Variants in FMNL2 observed in about 807,000 individuals in gnomAD.
FMNL2 encodes the protein formin like 2, also known as formin-like protein 2.
A neutral mutation model predicts 130.2 loss-of-function variants in FMNL2; 51 were observed. That is an observed-to-expected ratio of 0.39 (90% CI 0.31 to 0.49). The LOEUF (loss-of-function observed/expected upper bound fraction) is 0.49. FMNL2 is among the 20% of genes least tolerant of loss of function. The probability of loss-of-function intolerance (pLI) is 0.85; values close to 1 mark genes in which losing one functional copy is unlikely to be tolerated. For missense variants in FMNL2, 977 were observed against 1,316.2 expected, an observed-to-expected ratio of 0.74 and a Z score of 3.99; for synonymous variants, 465 against 467.1, an observed-to-expected ratio of 1.00 and a Z score of 0.06.
rs114838987 is a variant in FMNL2, at chr2:152,348,024, A to G, written c.117+12304A>G. On this transcript the variant is annotated intron_variant, in intron 1 of 25. Transcript: ENST00000288670. ...TTTTTTCCCCCGGTGATTCCCCTGCATAGGATGGGCTCTCTTCGCTTCTCT... is the reference window on the plus strand; with the variant it reads ...TTTTTTCCCCCGGTGATTCCCCTGCGTAGGATGGGCTCTCTTCGCTTCTCT... 1.9e-3 allele frequency among the ~76,000 whole-genome samples: 289 copies of G among 150,762 alleles called. 1 individual carries two copies. Among genetic ancestry groups the G allele is most frequent in the African/African-American group, 6.9e-3 (283 of 41,008 alleles).
intron 4 of FMNL2, 147 bp from the exon 5 acceptor site, chr2:152,558,593 A>G (rs1579958776): frequency 1.1e-5 from 7 of 647,084 alleles, no homozygotes; most frequent in African/African-American, 1.8e-5. Context: ...CTCCTGCCTC[A>G]TGTGAAGTAG....
chr2:152,500,280 A>G (rs1174230056), intron 1 of FMNL2, among the ~76,000 whole-genome samples: 2 of 152,110 alleles, frequency 1.3e-5, no homozygotes, highest in East Asian at 1.9e-4. Flanking sequence ...TAGATTAAGA[A>G]ATCAGTCTGA....
intron 1 of FMNL2, among the ~76,000 whole-genome samples, chr2:152,464,233 C>T (rs779926255): frequency 3.3e-5 from 5 of 152,324 alleles, no homozygotes; most frequent in Admixed American, 6.5e-5. Flanking sequence ...TGTGAGCCCC[C>T]GCACTCAGCC....
intron 1 of FMNL2, among the ~76,000 whole-genome samples, chr2:152,366,553 T>G (rs552421946): frequency 7.9e-5 from 12 of 152,340 alleles, no homozygotes; most frequent in Admixed American, 2.6e-4. Context: ...GCTAAAGAGC[T>G]CCTGATGCTG....
At position 152,619,452 on chromosome 2, in the gene FMNL2, T is replaced by C. The variant is rs1699119397; in HGVS notation, c.1628-57T>C. Reference sequence around the variant, plus strand: ...ATGGCTTTATATGCACATGGCTTATTGCAGGAAAGCCATTCCCGTATTTTC... The same window carrying C: ...ATGGCTTTATATGCACATGGCTTATCGCAGGAAAGCCATTCCCGTATTTTC... On this transcript the variant is annotated intron_variant, in intron 14 of 25. Transcript: ENST00000288670. The C allele has an allele frequency of 2.6e-6, 4 of 1,547,684 alleles. No homozygotes were observed. In the Admixed American group the frequency reaches 7.9e-5, roughly 30 times the overall value.
intron 4 of FMNL2, among the ~76,000 whole-genome samples, chr2:152,558,191 T>A (rs1353595645): frequency 6.6e-6 from 1 of 152,214 alleles, no homozygotes; most frequent in African/African-American, 2.4e-5. Context: ...GGTTTTAACA[T>A]TCATGGAAAA....
intron 1 of FMNL2, chr2:152,389,805 C>T (rs919324646): frequency 7.2e-7 from 1 of 1,388,594 alleles, no homozygotes; most frequent in African/African-American, 1.4e-5. Flanking sequence ...CAGACTTTTT[C>T]ACTGCAGGAG....
chr2:152,645,442 A>G, intron 25 of FMNL2: 2 of 1,289,160 alleles, frequency 1.6e-6, no homozygotes, highest in Non-Finnish European at 2.0e-6. Context: ...AGCCTTAAAG[A>G]AGAATAATAT....
At chr2:152,383,477 G>T (rs914702248) in intron 1 of FMNL2, among the ~76,000 whole-genome samples, 2 of 152,078 alleles carry the variant, frequency 1.3e-5, no homozygotes, top group South Asian at 2.1e-4. Context: ...GTGCATGTCT[G>T]TAGTCCTAGC....
At chr2:152,398,329 C>T (rs992888047) in intron 1 of FMNL2, among the ~76,000 whole-genome samples, 2 of 152,094 alleles carry the variant, frequency 1.3e-5, no homozygotes, top group African/African-American at 4.8e-5. Context: ...GGCTAAGTAC[C>T]TAATTTGTAA....
chr2:152,615,082 A>G, intron 12 of FMNL2, 82 bp downstream of exon 12: 1 of 1,488,418 alleles, frequency 6.7e-7, no homozygotes. Context: ...TTATGGTGGT[A>G]AATTTAAGGA....
chr2:152,494,819 T>A (rs1336807141), intron 1 of FMNL2, among the ~76,000 whole-genome samples: 1 of 152,226 alleles, frequency 6.6e-6, no homozygotes, highest in Non-Finnish European at 1.5e-5. Context: ...AGAAGTGACC[T>A]GGTACGCTTT....
chr2:152,639,526 G>A (rs551102309), intron 23 of FMNL2, among the ~76,000 whole-genome samples: 36 of 152,322 alleles, frequency 2.4e-4, no homozygotes, highest in Admixed American at 1.1e-3. Flanking sequence ...ACTCTGGTGA[G>A]GCCCCGAAAA....
At chr2:152,597,059 T>G (rs1697809286) in intron 9 of FMNL2, among the ~76,000 whole-genome samples, 2 of 152,248 alleles carry the variant, frequency 1.3e-5, no homozygotes, top group South Asian at 4.1e-4. Flanking sequence ...TTCTAATAAT[T>G]GGCACATTTC....
At chr2:152,637,332 G>A (rs575222445) in intron 22 of FMNL2, among the ~76,000 whole-genome samples, 18 of 152,280 alleles carry the variant, frequency 1.2e-4, no homozygotes, top group African/African-American at 4.3e-4. Flanking sequence ...GTGTAGAAGT[G>A]GCAGGAGGTC....
intron 9 of FMNL2, among the ~76,000 whole-genome samples, chr2:152,595,382 G>A (rs976879284): frequency 2.0e-5 from 3 of 151,976 alleles, no homozygotes; most frequent in Admixed American, 6.6e-5. Flanking sequence ...GTGCAGTGGC[G>A]CAATCTCGGC....
chr2:152,353,341 T>G (rs985454722), intron 1 of FMNL2, among the ~76,000 whole-genome samples: 12 of 152,192 alleles, frequency 7.9e-5, no homozygotes, highest in African/African-American at 2.9e-4. Flanking sequence ...TGTCTAGGTA[T>G]ATCTGTGCAA....
intron 1 of FMNL2, among the ~76,000 whole-genome samples, chr2:152,492,487 CT>C (rs1365224411): frequency 6.6e-6 from 1 of 152,162 alleles, no homozygotes; most frequent in African/African-American, 2.4e-5. Context: ...ACAGTTTTGG[CT>C]TTTCTCAACT....
chr2:152,584,844 A>G (rs543893275), intron 9 of FMNL2, among the ~76,000 whole-genome samples: 2 of 152,316 alleles, frequency 1.3e-5, no homozygotes, highest in African/African-American at 2.4e-5. Flanking sequence ...AAATCTTGCT[A>G]CAAATCTTGT....
Sources: allele counts gnomAD v4.1 joint callset (sites outside exome capture counted in the v4.1 genomes callset), GRCh38; gene constraint gnomAD v4.1.1; transcripts MANE v1.5; gene names NCBI Gene and HGNC (gene_info 2026-07-23, HGNC 2026-07-21).